MADD: variants seen among roughly 807,000 people sequenced by gnomAD.
MADD encodes the protein MAP kinase activating death domain.
MADD carries 109 observed loss-of-function variants against 176.7 expected under a neutral mutation model. That is an observed-to-expected ratio of 0.62 (90% CI 0.53 to 0.72). The LOEUF (loss-of-function observed/expected upper bound fraction) is 0.72. Among genes scored for constraint, MADD ranks in the 30% least tolerant of loss-of-function variants. MADD has a pLI of 0.00. For synonymous variants in MADD, 771 were observed against 771.3 expected (o/e 1.00, Z 0.01); for missense variants, 1,914 against 2,045.5 (o/e 0.94, Z 1.24).
intron 19 of MADD, among the ~76,000 whole-genome samples, chr11:47,292,950 T>C (rs1397540957): frequency 6.6e-6 from 1 of 152,146 alleles, no homozygotes; most frequent in African/African-American, 2.4e-5. Flanking sequence ...GCAGAGATGG[T>C]TGCTGTCCCT....
chr11:47,293,879 T>C lies in MADD; in HGVS notation c.3302-4T>C, dbSNP rs757833965. On this transcript the variant is annotated splice_polypyrimidine_tract_variant and splice_region_variant and intron_variant, in intron 19 of 32. Transcript: ENST00000402192. ...CGGAGTAACAGAAGTCTTCCCCTAC[T>C]CAGGGCCTGAAGTAATCAAACCTGT... 3.1e-6 allele frequency: 5 copies of C among 1,606,772 alleles called. No homozygotes were observed. The highest frequency in any genetic ancestry group is 4.3e-6 in the Non-Finnish European group (5 of 1,173,490).
chr11:47,274,724 C>T (rs1367164997), exon 3 of MADD: 2 of 1,614,200 alleles, frequency 1.2e-6, no homozygotes, highest in Admixed American at 1.7e-5. Flanking sequence ...CGGGATGATA[C>T]CTCTTTTGTC....
chr11:47,323,130 C>T (rs1006896828), intron 27 of MADD, among the ~76,000 whole-genome samples: 2 of 151,322 alleles, frequency 1.3e-5, no homozygotes, highest in African/African-American at 2.4e-5. Context: ...CTCAGCTACT[C>T]GGGAGGCTGA....
rs539184448 is a variant in MADD, at chr11:47,327,660, T to A, written c.4612+853T>A. 1.3e-4 allele frequency: 131 copies of A among 985,444 alleles called. No individual in the cohort carries two copies. The African/African-American group carries it at 2.2e-3, about 17-fold the overall frequency. The allele number at this position is 985,444 out of a possible 1,614,324, so 61.0% of individuals were successfully genotyped here. A position where few individuals can be genotyped will look rare whatever the true frequency, so the allele number is the denominator to read the frequency against. ...TTCTCTCTTCTGTCAGAGAGATACTTGGGGGAATCTTCCAACTCGGGAGAA... is the reference window on the plus strand; with the variant it reads ...TTCTCTCTTCTGTCAGAGAGATACTAGGGGGAATCTTCCAACTCGGGAGAA... On this transcript the variant is annotated intron_variant, in intron 31 of 32. Coordinates refer to ENST00000402192, the Ensembl canonical transcript of MADD.
intron 10 of MADD, among the ~76,000 whole-genome samples, 175 bp from the exon 11 acceptor site, chr11:47,284,003 G>A (rs769667611): frequency 1.3e-5 from 2 of 152,240 alleles, no homozygotes; most frequent in Admixed American, 6.5e-5. Flanking sequence ...CCACTGTCCC[G>A]GCCCCCATAT....
chr11:47,293,462 C>T (rs556609850), intron 19 of MADD, among the ~76,000 whole-genome samples: 103 of 152,024 alleles, frequency 6.8e-4, no homozygotes, highest in African/African-American at 2.4e-3. Flanking sequence ...TCACCACGCC[C>T]GGCTAATTTT....
exon 20 of MADD, chr11:47,293,950 A>G (rs148540483): frequency 6.2e-7 from 1 of 1,614,230 alleles, no homozygotes; most frequent in African/African-American, 1.3e-5. Context: ...AGATCAGCGC[A>G]GACAGTGGTG....
intron 1 of MADD, among the ~76,000 whole-genome samples, chr11:47,273,426 C>T (rs1385475114): frequency 6.6e-6 from 1 of 152,132 alleles, no homozygotes; most frequent in Non-Finnish European, 1.5e-5. Flanking sequence ...ACAGCCTCCA[C>T]CTCCTGGGTT....
At chr11:47,328,374 C>A in intron 31 of MADD, 1 of 1,358,190 alleles carries the variant, frequency 7.4e-7, no homozygotes, top group East Asian at 3.0e-5. Context: ...CCCTCCCATC[C>A]AGGGCTTTCA....
exon 27 of MADD, chr11:47,315,238 A>G (rs769088138): frequency 5.5e-5 from 88 of 1,612,736 alleles, no homozygotes; most frequent in Non-Finnish European, 7.0e-5. Flanking sequence ...CGATCTCTCT[A>G]TCTGGTCCAG....
chr11:47,304,755 G>T (rs927263834), intron 22 of MADD, among the ~76,000 whole-genome samples: 7 of 151,178 alleles, frequency 4.6e-5, no homozygotes, highest in African/African-American at 1.7e-4. Flanking sequence ...TTTTCATTGG[G>T]GTCTATTACC....
rs2057531723 is a variant in MADD, at chr11:47,282,299, C to G, written c.1470-82C>G. 4.5e-6 allele frequency: 5 copies of G among 1,107,340 alleles called. No individual in the cohort carries two copies. In the East Asian group the frequency reaches 1.2e-4, roughly 26 times the overall value. 68.6% of individuals were successfully genotyped at this position (1,107,340 alleles called of 1,614,324 possible). The stretch of plus-strand genomic sequence containing the variant: ...ATGTTGGAAGCCTGTTAAGTGATGG[C>G]TTTGGGAGGTGTTCTAAGACTTTGG... On this transcript the variant is annotated intron_variant, in intron 8 of 32. Coordinates refer to ENST00000402192, the Ensembl canonical transcript of MADD.
exon 11 of MADD, chr11:47,284,263 A>G: frequency 1.9e-6 from 3 of 1,614,062 alleles, no homozygotes; most frequent in Non-Finnish European, 2.5e-6. Flanking sequence ...GAAATGTGAC[A>G]TTAATGGTGA....
At chr11:47,308,226 G>T (rs2084733619) in intron 22 of MADD, among the ~76,000 whole-genome samples, 2 of 152,174 alleles carry the variant, frequency 1.3e-5, no homozygotes, top group South Asian at 4.1e-4. Flanking sequence ...TGTACCTAAG[G>T]TCACACAGCT....
exon 4 of MADD, chr11:47,275,908 G>A (rs2049425297): frequency 6.2e-7 from 1 of 1,607,538 alleles, no homozygotes; most frequent in South Asian, 1.1e-5. Context: ...GGGACACCAT[G>A]TGGCGGATCT....
intron 29 of MADD, 38 bp downstream of exon 32, chr11:47,324,375 C>G (rs1446173487): frequency 1.5e-5 from 24 of 1,611,378 alleles, no homozygotes; most frequent in Non-Finnish European, 2.0e-5. Flanking sequence ...TTCCCTGTTT[C>G]TACCAGTCCT....
intron 14 of MADD, among the ~76,000 whole-genome samples, 153 bp downstream of exon 14, chr11:47,285,743 G>A (rs116185462): frequency 1.7e-3 from 249 of 150,318 alleles, no homozygotes; most frequent in African/African-American, 5.4e-3. Flanking sequence ...TGAATAAGGC[G>A]TTTTCAAGTG....
At chr11:47,321,594 AG>A (rs201918520) in intron 27 of MADD, among the ~76,000 whole-genome samples, 1 of 152,074 alleles carries the variant, frequency 6.6e-6, no homozygotes, top group Admixed American at 6.6e-5. Context: ...AAAGAAGCTC[AG>A]GGGGGGCAGA....
At chr11:47,287,688 G>A (rs1007710876) in intron 15 of MADD, among the ~76,000 whole-genome samples, 1 of 152,098 alleles carries the variant, frequency 6.6e-6, no homozygotes, top group African/African-American at 2.4e-5. Flanking sequence ...AGGATTACAG[G>A]TGTGAGCCAC....
Sources: allele counts gnomAD v4.1 joint callset (sites outside exome capture counted in the v4.1 genomes callset), GRCh38; gene constraint gnomAD v4.1.1; transcripts MANE v1.5; gene names NCBI Gene and HGNC (gene_info 2026-07-23, HGNC 2026-07-21).